Variants in MROH1 observed in about 807,000 individuals in gnomAD.
The protein encoded by MROH1 is maestro heat like repeat family member 1.
Under a neutral mutation model 116.5 loss-of-function variants are expected in MROH1, and 117 were observed. The observed-to-expected ratio is 1.00, with a 90% CI of 0.86 to 1.17. The LOEUF is 1.17. Among genes scored for constraint, MROH1 ranks in the 50% most tolerant of loss-of-function variants. The probability of loss-of-function intolerance (pLI) is 0.00; values close to 1 mark genes in which losing one functional copy is unlikely to be tolerated. For synonymous variants in MROH1, 921 were observed against 583.9 expected, an observed-to-expected ratio of 1.58 and a Z score of -8.32; for missense variants, 1,873 against 1,338.5, an observed-to-expected ratio of 1.40 and a Z score of -6.23.
At chr8:144,204,444 G>T (rs917358456) in intron 12 of MROH1, among the ~76,000 whole-genome samples, 1 of 152,146 alleles carries the variant, frequency 6.6e-6, no homozygotes, top group Non-Finnish European at 1.5e-5. Context: ...TTTATTTGAA[G>T]TATAATACAC....
At chr8:144,242,229 A>G in intron 22 of MROH1, 140 bp from the exon 23 acceptor site, 1 of 760,366 alleles carries the variant, frequency 1.3e-6, no homozygotes. Flanking sequence ...GGTGCCGTGC[A>G]CGGCTGGGTC....
chr8:144,252,723 T>C (rs1180308771), intron 33 of MROH1: 4 of 148,828 alleles, frequency 2.7e-5, no homozygotes, highest in Middle Eastern at 3.3e-3. Flanking sequence ...TCCCGACACT[T>C]TGGGAGGTGG....
At chr8:144,166,938 G>A (rs1019782957) in intron 3 of MROH1, among the ~76,000 whole-genome samples, 1 of 152,212 alleles carries the variant, frequency 6.6e-6, no homozygotes, top group Non-Finnish European at 1.5e-5. Context: ...CATTGATTTG[G>A]ATCAGCCTGT....
chr8:144,203,707 A>G (rs1473185759), intron 12 of MROH1, among the ~76,000 whole-genome samples: 1 of 152,126 alleles, frequency 6.6e-6, no homozygotes, highest in Admixed American at 6.5e-5. Flanking sequence ...AAAGTAAAGC[A>G]TCTGCGTCAG....
At chr8:144,157,989 C>CTTTTTTTT (rs1157662078) in intron 1 of MROH1, among the ~76,000 whole-genome samples, 1 of 88,866 alleles carries the variant, frequency 1.1e-5, no homozygotes, top group African/African-American at 4.4e-5. Context: ...CTATTTCTTT[C>CTTTTTTTT]TTTTTTTTTT....
intron 12 of MROH1, among the ~76,000 whole-genome samples, chr8:144,204,824 T>A (rs912875336): frequency 6.6e-6 from 1 of 152,258 alleles, no homozygotes; most frequent in Non-Finnish European, 1.5e-5. Context: ...AGTATTTAAC[T>A]GTTAATGCAT....
intron 4 of MROH1, among the ~76,000 whole-genome samples, chr8:144,179,125 G>T (rs1824867798): frequency 6.6e-6 from 1 of 152,054 alleles, no homozygotes; most frequent in Non-Finnish European, 1.5e-5. Flanking sequence ...GACAGGGGAG[G>T]GCAGGGCAAG....
rs1262648576 is a variant in MROH1, at chr8:144,163,023, A to G, written c.-56-748A>G. Among the ~76,000 whole-genome samples, 1 of 152,212 alleles carries G rather than the reference A, an allele frequency of 6.6e-6. No homozygotes were observed. Among genetic ancestry groups the G allele is most frequent in the Non-Finnish European group, 1.5e-5 (1 of 68,036 alleles). ...AGGCATGAGCCATCGCTCTTGGCCA[A>G]GATTTCTATGATTTCTTACTTCGCC... is the stretch of plus-strand genomic sequence containing the variant. On this transcript the variant is annotated intron_variant, in intron 2 of 43. Coordinates refer to ENST00000326134, the MANE Select transcript of MROH1 (RefSeq NM_032450.3). The surrounding 1 kb of genome is among the most constrained non-coding windows in gnomAD (Gnocchi z 4.4).
rs1824978239 is a variant in MROH1, at chr8:144,179,463, C to T, written c.177C>T (p.His59=). 6 of 1,613,346 alleles carry T rather than the reference C, an allele frequency of 3.7e-6. No individual in the cohort carries two copies. Among genetic ancestry groups the T allele is most frequent in the African/African-American group, 1.3e-5 (1 of 74,908 alleles). ...EYLRQHDKLA[H]PYRAAVLRAM... ...ACGGTGTCTCTCCGCAGCTGGCACA[C>T]CCATACCGAGCAGCGGTCCTGAGGG... Residue 59 remains histidine, a synonymous_variant, in exon 5 of 44, where the codon CAC becomes CAT. Coordinates refer to ENST00000326134, the MANE Select transcript of MROH1 (RefSeq NM_032450.3).
chr8:144,190,277 C>T (rs1828224623), intron 7 of MROH1, among the ~76,000 whole-genome samples: 1 of 152,204 alleles, frequency 6.6e-6, no homozygotes, highest in South Asian at 2.1e-4. Context: ...CCTGTAATCT[C>T]AGCACTTTGG....
At chr8:144,213,045 T>G in intron 12 of MROH1, 1 of 779,868 alleles carries the variant, frequency 1.3e-6, no homozygotes, top group South Asian at 1.3e-5. Flanking sequence ...GTCACACGAC[T>G]GAAACATGAG....
intron 7 of MROH1, among the ~76,000 whole-genome samples, chr8:144,184,528 C>T (rs1826463320): frequency 6.6e-6 from 1 of 152,226 alleles, no homozygotes. Flanking sequence ...CAGGGTCCTA[C>T]AAGGACAGAG....
At chr8:144,255,370 C>A in intron 34 of MROH1, 139 bp from the exon 35 acceptor site, 2 of 666,468 alleles carry the variant, frequency 3.0e-6, no homozygotes, top group Non-Finnish European at 5.6e-6. Context: ...GTGCGCCTCG[C>A]CCTTCCTGCG....
chr8:144,200,325 C>A, intron 11 of MROH1, 103 bp from the exon 12 acceptor site: 1 of 916,880 alleles, frequency 1.1e-6, no homozygotes. Context: ...CTTCACACAG[C>A]AACTCTCCTC....
chr8:144,241,198 CTGTGTGCCTG>C (rs1322035675), intron 21 of MROH1, 87 bp downstream of exon 21: 22 of 706,328 alleles, frequency 3.1e-5, no homozygotes, highest in East Asian at 1.6e-4. Flanking sequence ...GCTGGCTAGC[CTGTGTGCCTG>C]TGTGTGCGTG....
Position 144,240,686 on chromosome 8 carries a change from C to T in MROH1, c.1935+9C>T, listed in dbSNP as rs1403498662. On this transcript the variant is annotated intron_variant, in intron 20 of 43. Coordinates refer to ENST00000326134, the MANE Select transcript of MROH1 (RefSeq NM_032450.3). Reference sequence around the variant, plus strand: ...AGGCACCCCAGGAGAAGGTGGGGCACCTGCTGGCGTTCTTGGTGTGGTACT... The same window carrying T: ...AGGCACCCCAGGAGAAGGTGGGGCATCTGCTGGCGTTCTTGGTGTGGTACT... 4.2e-6 allele frequency: 3 copies of T among 715,464 alleles called. No individual in the cohort carries two copies. Among genetic ancestry groups the T allele is most frequent in the South Asian group, 1.5e-5 (1 of 67,542 alleles). 44.3% of individuals were successfully genotyped at this position (715,464 alleles called of 1,614,324 possible).
intron 35 of MROH1, among the ~76,000 whole-genome samples, chr8:144,257,283 T>TGA (rs1176795462): frequency 6.6e-6 from 1 of 152,078 alleles, no homozygotes; most frequent in African/African-American, 2.4e-5. Flanking sequence ...AGGGAACCCG[T>TGA]GAGAGAGAGG....
chr8:144,218,751 G>C (rs1432447812), intron 12 of MROH1, among the ~76,000 whole-genome samples: 1 of 9,414 alleles, frequency 1.1e-4, no homozygotes, highest in Non-Finnish European at 1.9e-4. Flanking sequence ...CTCCCCTCTC[G>C]CTTCCCCTTT....
intron 33 of MROH1, chr8:144,250,759 TC>T (rs1842721816): frequency 5.4e-6 from 2 of 369,804 alleles, no homozygotes; most frequent in Non-Finnish European, 1.0e-5. Context: ...CTGCAGGGCA[TC>T]CACTGCTGCC....
Sources: allele counts gnomAD v4.1 joint callset (sites outside exome capture counted in the v4.1 genomes callset), GRCh38; gene constraint gnomAD v4.1.1; non-coding constraint Gnocchi (gnomAD v3.1); transcripts MANE v1.5; gene names NCBI Gene and HGNC (gene_info 2026-07-23, HGNC 2026-07-21).